RBFOX3: variants seen among roughly 807,000 people sequenced by gnomAD.
The protein encoded by RBFOX3 is RNA binding protein fox-1 homolog 3.
In RBFOX3, 17 loss-of-function variants were observed where a neutral mutation model predicts 48.7. The observed-to-expected ratio is 0.35, with a 90% CI of 0.24 to 0.52. RBFOX3 has a LOEUF of 0.52. Ranked by LOEUF, RBFOX3 falls within the 20% of genes least tolerant of loss-of-function variation. The pLI, the probability that RBFOX3 is intolerant of heterozygous loss-of-function variation, is 0.94. For synonymous variants in RBFOX3, 212 were observed against 209.5 expected (o/e 1.01, Z -0.10); for missense variants, 382 against 497.5 (o/e 0.77, Z 2.21).
In RBFOX3 at chr17:79,545,596, T is replaced by C. The variant is rs1474481117; in HGVS notation, c.-319-62998A>G. Among the ~76,000 whole-genome samples, 4 of 152,158 alleles carry C rather than the reference T, an allele frequency of 2.6e-5. 1 individual carries two copies. Among genetic ancestry groups the C allele is most frequent in the Admixed American group, 2.0e-4 (3 of 15,282 alleles). Reference sequence around the variant, plus strand: ...CGCTTCCTTCCAGGCAGCCGATTGGTTCAATGTCTGCCTTCCCTTCCAAAC... The same window carrying C: ...CGCTTCCTTCCAGGCAGCCGATTGGCTCAATGTCTGCCTTCCCTTCCAAAC... On this transcript the variant is annotated intron_variant, in intron 1 of 14. Transcript: ENST00000693108.
At chr17:79,395,895 G>T (rs759290514) in intron 2 of RBFOX3, among the ~76,000 whole-genome samples, 3 of 152,242 alleles carry the variant, frequency 2.0e-5, no homozygotes, top group Non-Finnish European at 4.4e-5. Flanking sequence ...ACCTGCCAGC[G>T]GGGCTGCAGC....
chr17:79,281,362 G>T (rs2070436457), intron 3 of RBFOX3, among the ~76,000 whole-genome samples: 1 of 150,816 alleles, frequency 6.6e-6, no homozygotes, highest in Non-Finnish European at 1.5e-5. Flanking sequence ...TGGATATATG[G>T]GGTTAGCTTA....
At chr17:79,264,064 G>T (rs903665789) in intron 3 of RBFOX3, among the ~76,000 whole-genome samples, 2 of 151,712 alleles carry the variant, frequency 1.3e-5, no homozygotes, top group Non-Finnish European at 2.9e-5. Flanking sequence ...CTTCCCTAGA[G>T]CTTTGGCGGG....
rs561653118 is a variant in RBFOX3 at position 79,109,544 on chromosome 17, G to A, written c.223-2756C>T. ...AGCAAGCCTATGCTAGACCTCCGGA[G>A]GGGACGACCTTACCCCTGAACCAAG... On this transcript the variant is annotated intron_variant, in intron 5 of 14. Transcript: ENST00000693108. 5.9e-5 allele frequency among the ~76,000 whole-genome samples: 9 copies of A among 152,340 alleles called. No homozygotes were observed. In the South Asian group the frequency reaches 1.9e-3, roughly 32 times the overall value.
chr17:79,366,691 G>T (rs1031313026), intron 2 of RBFOX3, among the ~76,000 whole-genome samples: 16 of 152,298 alleles, frequency 1.1e-4, no homozygotes, highest in Admixed American at 8.5e-4. Context: ...TGAATGCAGG[G>T]CCCCAGCCCA....
In RBFOX3 at chr17:79,423,448, C is replaced by A. The variant is rs1182517589; in HGVS notation, c.-175+59006G>T. ...GCTATCTCTCTACCTCCGTGCCCAG[C>A]CCCCGGCTATTCTCAGCACAGCAGC... On this transcript the variant is annotated intron_variant, in intron 2 of 14. Coordinates refer to ENST00000693108, the MANE Select transcript of RBFOX3 (RefSeq NM_001350451.2). The surrounding 1 kb of genome is among the most constrained non-coding windows in gnomAD (Gnocchi z 4.9). Among the ~76,000 whole-genome samples the A allele has an allele frequency of 6.6e-6, 1 of 152,096 alleles. No homozygotes were observed. Among genetic ancestry groups the A allele is most frequent in the Non-Finnish European group, 1.5e-5 (1 of 68,016 alleles).
chr17:79,174,079 C>T (rs1002883845), intron 4 of RBFOX3, among the ~76,000 whole-genome samples: 9 of 152,186 alleles, frequency 5.9e-5, no homozygotes, highest in African/African-American at 1.9e-4. Context: ...AAACGGCGAG[C>T]GTCTCAGTCC....
At chr17:79,269,961 G>A (rs1168662813) in intron 3 of RBFOX3, among the ~76,000 whole-genome samples, 1 of 152,054 alleles carries the variant, frequency 6.6e-6, no homozygotes, top group Non-Finnish European at 1.5e-5. Flanking sequence ...GGGTGGGGAC[G>A]CCACTGCTGC....
At chr17:79,553,179 C>A (rs2091314803) in intron 1 of RBFOX3, among the ~76,000 whole-genome samples, 1 of 152,112 alleles carries the variant, frequency 6.6e-6, no homozygotes, top group Non-Finnish European at 1.5e-5. Context: ...GAATGTTTAT[C>A]AAGAATGGAT....
In RBFOX3 at chr17:79,106,686, G is replaced by A; in HGVS notation, c.325C>T (p.Arg109Trp). 6.7e-7 allele frequency: 1 copy of A among 1,488,638 alleles called. No individual in the cohort carries two copies. Among genetic ancestry groups the A allele is most frequent in the Non-Finnish European group, 8.9e-7 (1 of 1,123,764 alleles). The allele number at this position is 1,488,638 out of a possible 1,614,324, so 92.2% of individuals were successfully genotyped here. A position where few individuals can be genotyped will look rare whatever the true frequency, so the allele number is the denominator to read the frequency against. Reference protein sequence around the residue: ...KRLHVSNIPFRFRDPDLRQMF... With the variant: ...KRLHVSNIPFWFRDPDLRQMF... ...TGCCGCAAGTCGGGGTCCCTGAACC[G>A]GAAGGGGATGTTGGAGACGTGTAGC... Residue 109 changes from arginine (R) to tryptophan (W), a missense_variant, in exon 6 of 15, where the codon CGG becomes TGG. Coordinates refer to ENST00000693108, the MANE Select transcript of RBFOX3 (RefSeq NM_001350451.2).
chr17:79,351,958 T>G (rs150544144), intron 2 of RBFOX3, among the ~76,000 whole-genome samples: 10 of 151,854 alleles, frequency 6.6e-5, no homozygotes, highest in Non-Finnish European at 1.2e-4. Flanking sequence ...CTGTGGGAAA[T>G]CAGGATGGGA....
In RBFOX3 at chr17:79,297,212, G is replaced by A. The variant is rs2074530532; in HGVS notation, c.-74+10512C>T. 3.3e-5 allele frequency among the ~76,000 whole-genome samples: 5 copies of A among 152,268 alleles called. No homozygotes were observed. In the South Asian group the frequency reaches 1.0e-3, roughly 32 times the overall value. ...AAAAGCTGAATAAGAATGACTCCCA[G>A]CAAACAGCTAACACCCTGGACTCCC... On this transcript the variant is annotated intron_variant, in intron 3 of 14. Transcript: ENST00000693108.
chr17:79,091,661 A>G (rs568963917), intron 14 of RBFOX3, among the ~76,000 whole-genome samples: 52 of 152,260 alleles, frequency 3.4e-4, no homozygotes, highest in African/African-American at 1.2e-3. Context: ...TCTGCCCCTC[A>G]TCAGCTCTCC....
intron 1 of RBFOX3, among the ~76,000 whole-genome samples, chr17:79,507,324 CT>C (rs1409368791): frequency 6.6e-6 from 1 of 152,220 alleles, no homozygotes; most frequent in Admixed American, 6.5e-5. Flanking sequence ...CTGAAGACCC[CT>C]GTCTCCTCTC....
intron 4 of RBFOX3, among the ~76,000 whole-genome samples, chr17:79,144,116 G>T (rs888125682): frequency 6.6e-6 from 1 of 152,210 alleles, no homozygotes; most frequent in South Asian, 2.1e-4. Context: ...CCCTGCAGAG[G>T]ATGTCGTGTG....
At chr17:79,519,653 T>C (rs1051546387) in intron 1 of RBFOX3, among the ~76,000 whole-genome samples, 4 of 152,194 alleles carry the variant, frequency 2.6e-5, no homozygotes, top group Non-Finnish European at 5.9e-5. Flanking sequence ...CCCTAAGCCC[T>C]TGGAGTAGCC....
intron 2 of RBFOX3, among the ~76,000 whole-genome samples, chr17:79,371,002 G>GC (rs1047891170): frequency 3.6e-3 from 2 of 548 alleles, no homozygotes; most frequent in Non-Finnish European, 0.053. Flanking sequence ...TCCCCCGGTA[G>GC]GGGGTTAGGG....
At chr17:79,345,629 C>T (rs763786927) in intron 2 of RBFOX3, among the ~76,000 whole-genome samples, 24 of 152,206 alleles carry the variant, frequency 1.6e-4, no homozygotes, top group Admixed American at 9.8e-4. Flanking sequence ...GTATGAAATT[C>T]CTGCCTGTCC....
Position 79,204,071 on chromosome 17 carries a change from C to T in RBFOX3, c.-34+31695G>A, listed in dbSNP as rs1003719412. Among the ~76,000 whole-genome samples the T allele has an allele frequency of 6.6e-6, 1 of 152,180 alleles. No individual in the cohort carries two copies. Among genetic ancestry groups the T allele is most frequent in the Non-Finnish European group, 1.5e-5 (1 of 68,022 alleles). On this transcript the variant is annotated intron_variant, in intron 4 of 14. Transcript: ENST00000693108. This position sits in a 1 kb window ranked among gnomAD's most constrained non-coding sequence, Gnocchi z 4.5. ...AAGCAGACTTTTCTCACCTGGAGAA[C>T]CAGCAAAGACCTCAACTGAGAAATT...
Sources: gnomAD v4.1 joint callset for allele counts (sites outside exome capture counted in the v4.1 genomes callset) on GRCh38, gnomAD v4.1.1 for gene constraint, Gnocchi (gnomAD v3.1) non-coding constraint, MANE v1.5 for transcripts, NCBI Gene and HGNC (gene_info 2026-07-23, HGNC 2026-07-21) for gene names.